Variants in HAT1 observed in about 807,000 individuals in gnomAD.
The protein encoded by HAT1 is histone acetyltransferase type B catalytic subunit.
Under a neutral mutation model 56.6 loss-of-function variants are expected in HAT1, and 20 were observed. The ratio of observed to expected loss-of-function variants is 0.35; its 90% CI spans 0.25 to 0.51. The LOEUF is 0.51. Ranked by LOEUF, HAT1 falls within the 20% of genes least tolerant of loss-of-function variation. The probability of loss-of-function intolerance (pLI) is 0.95; values close to 1 mark genes in which losing one functional copy is unlikely to be tolerated. For missense variants in HAT1, 408 were observed against 504.3 expected, an observed-to-expected ratio of 0.81 and a Z score of 1.83; for synonymous variants, 146 against 165.5, an observed-to-expected ratio of 0.88 and a Z score of 0.91.
At chr2:171,935,236 C>G (rs1484021232) in intron 2 of HAT1, among the ~76,000 whole-genome samples, 1 of 151,464 alleles carries the variant, frequency 6.6e-6, no homozygotes, top group East Asian at 2.0e-4. Flanking sequence ...TCATTGTGGC[C>G]AAGCACGGTG....
rs76484787 is a variant in HAT1 at position 171,960,761 on chromosome 2, C to T, written c.310-4577C>T. ...ACCTCCTGCTCTGTGCTTGTAATGC[C>T]AGCTACTCTGTAGGCTGACTCAGGA... On this transcript the variant is annotated intron_variant, in intron 4 of 10. Transcript: ENST00000264108. Among the ~76,000 whole-genome samples, 5,637 of 152,000 alleles carry T rather than the reference C, an allele frequency of 0.037. 821 individuals are homozygous for T. The East Asian group carries it at 0.53, about 14-fold the overall frequency.
At chr2:171,938,765 G>A (rs967776008) in intron 2 of HAT1, among the ~76,000 whole-genome samples, 4 of 151,690 alleles carry the variant, frequency 2.6e-5, no homozygotes, top group African/African-American at 9.7e-5. Context: ...TTTTGAGACA[G>A]GGTCTTGCTC....
chr2:171,942,455 G>A (rs747700568), intron 2 of HAT1, among the ~76,000 whole-genome samples: 5 of 151,852 alleles, frequency 3.3e-5, no homozygotes, highest in South Asian at 2.1e-4. Context: ...CGAGGTTACC[G>A]TATCATGTTC....
chr2:171,971,531 G>T (rs1687816364), intron 8 of HAT1, among the ~76,000 whole-genome samples: 1 of 152,104 alleles, frequency 6.6e-6, no homozygotes, highest in Non-Finnish European at 1.5e-5. Flanking sequence ...AGCTGTCCTG[G>T]CACCATTTGT....
intron 9 of HAT1, among the ~76,000 whole-genome samples, chr2:171,976,679 G>A (rs180846128): frequency 3.9e-5 from 6 of 152,130 alleles, no homozygotes; most frequent in African/African-American, 7.2e-5. Context: ...AGTAAAACAC[G>A]TATTTCATTT....
intron 8 of HAT1, among the ~76,000 whole-genome samples, chr2:171,971,193 G>A (rs1451097443): frequency 5.9e-5 from 9 of 152,116 alleles, no homozygotes; most frequent in Admixed American, 3.9e-4. Flanking sequence ...GCGAGACTCC[G>A]TCTCACAAAC....
At chr2:171,932,879 A>G (rs1686780593) in intron 2 of HAT1, among the ~76,000 whole-genome samples, 1 of 152,144 alleles carries the variant, frequency 6.6e-6, no homozygotes. Context: ...AAAAAATAAA[A>G]TAAGTGACTC....
At chr2:171,929,450 A>G (rs1462062287) in intron 2 of HAT1, among the ~76,000 whole-genome samples, 1 of 152,108 alleles carries the variant, frequency 6.6e-6, no homozygotes, top group Non-Finnish European at 1.5e-5. Flanking sequence ...TTTTTTGTAT[A>G]ACTGGAAGTT....
chr2:171,961,054 A>C (rs1392876434), intron 4 of HAT1, among the ~76,000 whole-genome samples: 1 of 152,128 alleles, frequency 6.6e-6, no homozygotes, highest in Non-Finnish European at 1.5e-5. Flanking sequence ...AGGCAGGAGA[A>C]TCACTTGAAC....
Position 171,966,517 on chromosome 2 carries a change from A to G in HAT1, c.716+4A>G, listed in dbSNP as rs776272536. On this transcript the variant is annotated splice_donor_region_variant and intron_variant, in intron 7 of 10. Coordinates refer to ENST00000264108, the MANE Select transcript of HAT1 (RefSeq NM_003642.4). ...ACAAAACCCGGCCACGTGTAAGGTAATTGGCAGTATAACACGTGCCTTGTC... is the reference window on the plus strand; with the variant it reads ...ACAAAACCCGGCCACGTGTAAGGTAGTTGGCAGTATAACACGTGCCTTGTC... 6.1e-6 allele frequency: 8 copies of G among 1,310,116 alleles called. No individual in the cohort carries two copies. The African/African-American group carries it at 1.0e-4, about 17-fold the overall frequency. The allele number at this position is 1,310,116 out of a possible 1,614,324, so 81.2% of individuals were successfully genotyped here.
intron 8 of HAT1, among the ~76,000 whole-genome samples, chr2:171,971,727 C>T (rs996563988): frequency 5.3e-5 from 8 of 152,064 alleles, no homozygotes; most frequent in Admixed American, 1.3e-4. Context: ...ATTTTTAAAA[C>T]GATAATGTCA....
chr2:171,971,754 T>A (rs1687821100), intron 8 of HAT1, among the ~76,000 whole-genome samples: 1 of 152,234 alleles, frequency 6.6e-6, no homozygotes, highest in Non-Finnish European at 1.5e-5. Context: ...GCCTGTCAAA[T>A]ATACGAGTTG....
intron 4 of HAT1, among the ~76,000 whole-genome samples, chr2:171,956,311 CA>C (rs142667939): frequency 0.083 from 12,677 of 151,850 alleles, 810 homozygotes; most frequent in Admixed American, 0.2. Context: ...GGCGAAAACC[CA>C]TCTCTACACG....
Position 171,965,811 on chromosome 2 carries a change from C to T in HAT1, c.514C>T (p.Arg172Ter), listed in dbSNP as rs745928896. The T allele has an allele frequency of 6.2e-7, 1 of 1,613,106 alleles. No homozygotes were observed. Among genetic ancestry groups the T allele is most frequent in the Non-Finnish European group, 8.5e-7 (1 of 1,179,300 alleles). Residue 172 changes from arginine (R) to a stop codon, truncating the protein, a stop_gained, in exon 6 of 11, where the codon CGA becomes TGA. Transcript: ENST00000264108. LOFTEE classifies it high-confidence loss of function. ...YKADMTCRGF[R>*]EYHERLQTFL... ...GGCTGACATGACATGTAGAGGCTTT[C>T]GAGAATATCATGAAAGGCTTCAGAC...
intron 2 of HAT1, among the ~76,000 whole-genome samples, chr2:171,933,099 C>T (rs764550144): frequency 1.5e-4 from 23 of 151,864 alleles, no homozygotes; most frequent in Non-Finnish European, 2.9e-4. Context: ...GCTCTGTTGC[C>T]GAGGCTGGAG....
At chr2:171,973,257 T>C (rs1209881440) in intron 8 of HAT1, among the ~76,000 whole-genome samples, 1 of 152,148 alleles carries the variant, frequency 6.6e-6, no homozygotes, top group Non-Finnish European at 1.5e-5. Context: ...GCACAGAGGC[T>C]CTGGCAAAGC....
At chr2:171,957,287 A>G (rs1687470920) in intron 4 of HAT1, among the ~76,000 whole-genome samples, 1 of 152,234 alleles carries the variant, frequency 6.6e-6, no homozygotes, top group African/African-American at 2.4e-5. Context: ...GCTGCAGGCC[A>G]CAGTTATTCT....
chr2:171,925,751 T>G, intron 2 of HAT1, 110 bp downstream of exon 2: 2 of 582,530 alleles, frequency 3.4e-6, no homozygotes, highest in East Asian at 2.9e-5. Context: ...TTTATGCAAA[T>G]GTATGGTTTT....
chr2:171,982,130 C>T (rs2105351283), intron 10 of HAT1, among the ~76,000 whole-genome samples: 1 of 152,202 alleles, frequency 6.6e-6, no homozygotes, highest in South Asian at 2.1e-4. Context: ...GTATTTTCTA[C>T]TCTTAAAGAA....
Sources: gnomAD v4.1 joint callset for allele counts (sites outside exome capture counted in the v4.1 genomes callset) on GRCh38, gnomAD v4.1.1 for gene constraint, MANE v1.5 for transcripts, NCBI Gene and HGNC (gene_info 2026-07-23, HGNC 2026-07-21) for gene names.